The following LRRC4C variants were observed in gnomAD, a reference collection of about 807,000 sequenced individuals.
The protein encoded by LRRC4C is leucine-rich repeat-containing protein 4C.
A neutral mutation model predicts 33.6 loss-of-function variants in LRRC4C; 5 were observed. That is an observed-to-expected ratio of 0.15 (90% CI 0.08 to 0.31). The LOEUF (loss-of-function observed/expected upper bound fraction) is 0.31. Among genes scored for constraint, LRRC4C ranks in the 10% least tolerant of loss-of-function variants. The probability of loss-of-function intolerance (pLI) is 1.00; values close to 1 mark genes in which losing one functional copy is unlikely to be tolerated. For synonymous variants in LRRC4C, 329 were observed against 302.0 expected, an observed-to-expected ratio of 1.09 and a Z score of -0.93; for missense variants, 560 against 796.7, an observed-to-expected ratio of 0.70 and a Z score of 3.58.
chr11:40,573,837 T>C (rs868174588), intron 3 of LRRC4C, among the ~76,000 whole-genome samples: 1 of 152,112 alleles, frequency 6.6e-6, no homozygotes, highest in East Asian at 1.9e-4. Flanking sequence ...ACCAAATAAA[T>C]GTGGGTAGAC....
chr11:40,459,381 T>TTAAGGGTGCCTTAAG (rs1300693839), intron 3 of LRRC4C, among the ~76,000 whole-genome samples: 9 of 152,026 alleles, frequency 5.9e-5, no homozygotes, highest in Non-Finnish European at 1.2e-4. Flanking sequence ...TCGTCAGCAC[T>TTAAGGGTGCCTTAAG]CAGGAATCTG....
At chr11:40,638,090 T>A (rs1043758952) in intron 3 of LRRC4C, among the ~76,000 whole-genome samples, 1 of 152,212 alleles carries the variant, frequency 6.6e-6, no homozygotes, top group East Asian at 1.9e-4. Context: ...AAAATTGCAA[T>A]GCACTCCCAT....
At chr11:41,002,214 A>G (rs1854430681) in intron 1 of LRRC4C, among the ~76,000 whole-genome samples, 1 of 152,222 alleles carries the variant, frequency 6.6e-6, no homozygotes, top group South Asian at 2.1e-4. Flanking sequence ...TGGAGTAAAG[A>G]GGACTATGCA....
intron 3 of LRRC4C, among the ~76,000 whole-genome samples, chr11:40,584,412 C>G (rs543597915): frequency 3.3e-5 from 5 of 151,754 alleles, no homozygotes; most frequent in African/African-American, 1.2e-4. Flanking sequence ...GGACTACTAG[C>G]TTGATGACAG....
At chr11:40,458,241 C>T (rs561693166) in intron 3 of LRRC4C, among the ~76,000 whole-genome samples, 1 of 152,046 alleles carries the variant, frequency 6.6e-6, no homozygotes, top group Admixed American at 6.6e-5. Context: ...TGTGTGCGTG[C>T]ATGCACACAC....
chr11:40,297,130 C>T (rs143591126), intron 4 of LRRC4C, among the ~76,000 whole-genome samples: 47 of 152,256 alleles, frequency 3.1e-4, no homozygotes, highest in Admixed American at 8.5e-4. Flanking sequence ...GCAAATAGAA[C>T]AAATTCAGTA....
intron 2 of LRRC4C, among the ~76,000 whole-genome samples, chr11:40,714,886 G>T (rs1946633233): frequency 6.6e-6 from 1 of 152,132 alleles, no homozygotes; most frequent in Non-Finnish European, 1.5e-5. Flanking sequence ...TGGAAATAAT[G>T]ATATGCTGCC....
At chr11:40,460,793 ATATATGAGAGACTTGATTGTGAGTGAC>A (rs1390318256) in intron 3 of LRRC4C, among the ~76,000 whole-genome samples, 1 of 152,178 alleles carries the variant, frequency 6.6e-6, no homozygotes, top group Non-Finnish European at 1.5e-5. Flanking sequence ...ACCATGAGGC[ATATATGAGAGACTTGATTGTGAGTGAC>A]TAAATGACTG....
chr11:41,024,020 T>C (rs1856168253), intron 1 of LRRC4C, among the ~76,000 whole-genome samples: 1 of 151,646 alleles, frequency 6.6e-6, no homozygotes, highest in African/African-American at 2.4e-5. Flanking sequence ...ACATTTTTTT[T>C]CTAGTTGCGT....
At chr11:40,419,312 A>G (rs756748530) in intron 3 of LRRC4C, among the ~76,000 whole-genome samples, 26 of 152,168 alleles carry the variant, frequency 1.7e-4, no homozygotes, top group Non-Finnish European at 2.9e-4. Flanking sequence ...AATTCTCCCA[A>G]TTTGGTGAAA....
chr11:40,342,758 G>A (rs1240158758), intron 3 of LRRC4C, among the ~76,000 whole-genome samples: 2 of 152,056 alleles, frequency 1.3e-5, no homozygotes, highest in African/African-American at 4.8e-5. Context: ...TTCAGAACAA[G>A]CACTTGCTTT....
At chr11:41,099,234 T>A (rs1941008664) in intron 1 of LRRC4C, among the ~76,000 whole-genome samples, 1 of 151,904 alleles carries the variant, frequency 6.6e-6, no homozygotes, top group African/African-American at 2.4e-5. Context: ...CTAGACAGAT[T>A]CAGAGCCAAA....
At chr11:40,761,849 T>G (rs1412188676) in intron 2 of LRRC4C, among the ~76,000 whole-genome samples, 1 of 152,150 alleles carries the variant, frequency 6.6e-6, no homozygotes, top group Admixed American at 6.6e-5. Context: ...ACAATCTTCC[T>G]GGGAGTAAGA....
chr11:40,654,131 AG>A, intron 2 of LRRC4C, among the ~76,000 whole-genome samples: 1 of 152,340 alleles, frequency 6.6e-6, no homozygotes, highest in East Asian at 1.9e-4. Context: ...GCCCTCATAG[AG>A]AACCACTGCT....
chr11:41,226,741 TACACACACAC>T (rs59285418), intron 1 of LRRC4C, among the ~76,000 whole-genome samples: 72 of 137,080 alleles, frequency 5.3e-4, no homozygotes, highest in African/African-American at 1.6e-3. Flanking sequence ...TCCTTACCAT[TACACACACAC>T]ACACACACAC....
At chr11:41,453,803 G>A (rs1470390065) in intron 1 of LRRC4C, among the ~76,000 whole-genome samples, 1 of 151,850 alleles carries the variant, frequency 6.6e-6, no homozygotes, top group Non-Finnish European at 1.5e-5. Flanking sequence ...GGTGTGTGTT[G>A]GTAATATATT....
intron 3 of LRRC4C, among the ~76,000 whole-genome samples, chr11:40,391,990 G>T (rs1949355499): frequency 6.6e-6 from 1 of 152,096 alleles, no homozygotes; most frequent in Admixed American, 6.6e-5. Context: ...ATCAATCCAA[G>T]AAAATACATG....
intron 1 of LRRC4C, among the ~76,000 whole-genome samples, chr11:41,395,721 T>C (rs1953782575): frequency 6.6e-6 from 1 of 151,992 alleles, no homozygotes; most frequent in Non-Finnish European, 1.5e-5. Context: ...GACTACATAA[T>C]TGGTCTCTTG....
chr11:40,396,108 G>A lies in LRRC4C; in HGVS notation c.-269-76387C>T, dbSNP rs114181232. ...CCATGTTTTTATGGAAGCGGCTCTT[G>A]TTCACACATTGTCTACAGGGTGGTC... is the stretch of plus-strand genomic sequence containing the variant. On this transcript the variant is annotated intron_variant, in intron 3 of 6. Coordinates refer to ENST00000528697, the MANE Select transcript of LRRC4C (RefSeq NM_001258419.2). Among the ~76,000 whole-genome samples the A allele has an allele frequency of 5.7e-3, 869 of 152,286 alleles. 5 individuals carry two copies. The highest frequency in any genetic ancestry group is 0.02 in the African/African-American group (816 of 41,568).
Sources: allele counts gnomAD v4.1 joint callset (sites outside exome capture counted in the v4.1 genomes callset), GRCh38; gene constraint gnomAD v4.1.1; transcripts MANE v1.5; gene names NCBI Gene and HGNC (gene_info 2026-07-23, HGNC 2026-07-21).